Variants in DYM observed in about 807,000 individuals in gnomAD.
DYM encodes dyggve-Melchior-Clausen syndrome protein.
In DYM, 78 loss-of-function variants were observed where a neutral mutation model predicts 93.1. That is an observed-to-expected ratio of 0.84 (90% confidence interval 0.70 to 1.01). The LOEUF (loss-of-function observed/expected upper bound fraction) is 1.01, where lower values mean the gene tolerates loss of function less well. Ranked by LOEUF, DYM falls within the 50% of genes least tolerant of loss-of-function variation. The probability of loss-of-function intolerance (pLI) is 0.00; values close to 1 mark genes in which losing one functional copy is unlikely to be tolerated. For synonymous variants in DYM, 321 were observed against 319.7 expected (o/e 1.00, Z -0.04); for missense variants, 789 against 845.0 (o/e 0.93, Z 0.82).
chr18:49,421,297 A>C (rs1465602595), intron 2 of DYM, among the ~76,000 whole-genome samples: 2 of 152,184 alleles, frequency 1.3e-5, no homozygotes, highest in East Asian at 3.9e-4. Flanking sequence ...TCTGAGACGA[A>C]GCTTCCAGAG....
chr18:49,382,322 T>C (rs1239060012), intron 3 of DYM, among the ~76,000 whole-genome samples: 1 of 152,210 alleles, frequency 6.6e-6, no homozygotes, highest in African/African-American at 2.4e-5. Flanking sequence ...ACTCCCTGTC[T>C]TCATGGAGCT....
intron 17 of DYM, among the ~76,000 whole-genome samples, chr18:49,085,962 A>C (rs2078486785): frequency 6.6e-6 from 1 of 152,138 alleles, no homozygotes; most frequent in South Asian, 2.1e-4. Flanking sequence ...TAGTTTGTGA[A>C]TGACACATTT....
chr18:49,302,209 C>A (rs1424757988), intron 8 of DYM, among the ~76,000 whole-genome samples: 1 of 152,142 alleles, frequency 6.6e-6, no homozygotes, highest in Non-Finnish European at 1.5e-5. Flanking sequence ...CTATCCATTA[C>A]CAAGACTCTC....
chr18:49,311,020 A>G (rs1338475765), intron 8 of DYM, among the ~76,000 whole-genome samples: 1 of 152,228 alleles, frequency 6.6e-6, no homozygotes, highest in Admixed American at 6.5e-5. Flanking sequence ...TTTTTTAAGA[A>G]TCTTTGGAAT....
intron 17 of DYM, among the ~76,000 whole-genome samples, chr18:49,069,909 C>T (rs1216271670): frequency 5.9e-5 from 9 of 152,126 alleles, no homozygotes; most frequent in East Asian, 1.9e-4. Flanking sequence ...GGTGTGGTGG[C>T]GCATGCCCGT....
At chr18:49,249,460 A>G (rs2094240417) in intron 13 of DYM, among the ~76,000 whole-genome samples, 1 of 152,208 alleles carries the variant, frequency 6.6e-6, no homozygotes, top group Non-Finnish European at 1.5e-5. Flanking sequence ...GTTTGAGAAA[A>G]AAACCCATGA....
chr18:49,368,968 T>C (rs1475205683), intron 5 of DYM, among the ~76,000 whole-genome samples: 3 of 152,264 alleles, frequency 2.0e-5, no homozygotes, highest in Non-Finnish European at 4.4e-5. Context: ...TTTGGAATCC[T>C]TGGCTCTCCA....
At chr18:49,408,003 G>A (rs2071717602) in intron 2 of DYM, among the ~76,000 whole-genome samples, 1 of 148,332 alleles carries the variant, frequency 6.7e-6, no homozygotes, top group Non-Finnish European at 1.5e-5. Flanking sequence ...GCTGAAGGGG[G>A]AGGACTGCCT....
At chr18:49,395,620 ACT>A (rs2069967443) in intron 2 of DYM, among the ~76,000 whole-genome samples, 2 of 151,830 alleles carry the variant, frequency 1.3e-5, no homozygotes, top group African/African-American at 2.4e-5. Context: ...CAAGAGCAAA[ACT>A]CTGTCTAAAA....
At chr18:49,305,288 A>G (rs2146256853) in intron 8 of DYM, among the ~76,000 whole-genome samples, 1 of 152,256 alleles carries the variant, frequency 6.6e-6, no homozygotes. Context: ...AGTTACATAT[A>G]GCTGAAGAAC....
chr18:49,349,958 A>C (rs1337733806), intron 6 of DYM, among the ~76,000 whole-genome samples: 2 of 152,170 alleles, frequency 1.3e-5, no homozygotes, highest in Non-Finnish European at 1.5e-5. Flanking sequence ...GTCTCAAAAA[A>C]ATTTAAAAAA....
intron 14 of DYM, among the ~76,000 whole-genome samples, chr18:49,178,697 T>C (rs944840996): frequency 2.0e-5 from 3 of 152,096 alleles, no homozygotes; most frequent in Admixed American, 6.6e-5. Flanking sequence ...AAATAAACGA[T>C]AGTAATCCTC....
chr18:49,207,756 T>G (rs1056471263), intron 14 of DYM, among the ~76,000 whole-genome samples: 1 of 152,166 alleles, frequency 6.6e-6, no homozygotes, highest in African/African-American at 2.4e-5. Flanking sequence ...CAACCTGCCC[T>G]ACAGATTTCA....
At chr18:49,179,300 A>AC (rs2089691087) in intron 14 of DYM, among the ~76,000 whole-genome samples, 1 of 152,168 alleles carries the variant, frequency 6.6e-6, no homozygotes, top group Non-Finnish European at 1.5e-5. Context: ...TGTAATTACA[A>AC]CTGATAAGGA....
chr18:49,128,342 C>T (rs961529178), intron 15 of DYM, among the ~76,000 whole-genome samples: 1 of 152,184 alleles, frequency 6.6e-6, no homozygotes, highest in Non-Finnish European at 1.5e-5. Flanking sequence ...AATGTTTTAC[C>T]TTAAGTATTA....
chr18:49,409,677 G>A (rs2071985147), intron 2 of DYM, among the ~76,000 whole-genome samples: 1 of 152,194 alleles, frequency 6.6e-6, no homozygotes, highest in African/African-American at 2.4e-5. Flanking sequence ...TTCATATGAA[G>A]CCTGTAGTTC....
chr18:49,218,871 C>G (rs991204400), intron 13 of DYM, among the ~76,000 whole-genome samples: 3 of 151,992 alleles, frequency 2.0e-5, no homozygotes, highest in African/African-American at 7.2e-5. Flanking sequence ...CAAACACATT[C>G]AAAAGCTAGC....
chr18:49,294,430 G>C (rs1172360275), intron 8 of DYM, among the ~76,000 whole-genome samples: 1 of 152,104 alleles, frequency 6.6e-6, no homozygotes, highest in Non-Finnish European at 1.5e-5. Flanking sequence ...TCACAATATT[G>C]ATTCTTTCTA....
intron 6 of DYM, among the ~76,000 whole-genome samples, chr18:49,358,455 C>T (rs746867414): frequency 6.6e-6 from 1 of 152,010 alleles, no homozygotes; most frequent in Non-Finnish European, 1.5e-5. Flanking sequence ...CCCCTGTACT[C>T]GACAAGTCAC....
Sources: gnomAD v4.1 joint callset for allele counts (sites outside exome capture counted in the v4.1 genomes callset) on GRCh38, gnomAD v4.1.1 for gene constraint, MANE v1.5 for transcripts, NCBI Gene and HGNC (gene_info 2026-07-23, HGNC 2026-07-21) for gene names.